ASF1A: variants seen among roughly 807,000 people sequenced by gnomAD.
ASF1A encodes histone chaperone ASF1A.
A neutral mutation model predicts 22.0 loss-of-function variants in ASF1A; 5 were observed. The ratio of observed to expected loss-of-function variants is 0.23; its 90% CI spans 0.12 to 0.48. The LOEUF (loss-of-function observed/expected upper bound fraction) is 0.48, where lower values mean the gene tolerates loss of function less well. Ranked by LOEUF, ASF1A falls within the 20% of genes least tolerant of loss-of-function variation. ASF1A has a pLI of 0.99. For synonymous variants in ASF1A, 97 were observed against 86.7 expected (o/e 1.12, Z -0.66); for missense variants, 137 against 240.6 (o/e 0.57, Z 2.85).
chr6:118,897,780 TCCTC>T (rs1455409787), intron 1 of ASF1A, among the ~76,000 whole-genome samples: 2 of 151,820 alleles, frequency 1.3e-5, no homozygotes, highest in Non-Finnish European at 2.9e-5. Context: ...ACCTTACCCT[TCCTC>T]CCTCAAATAC....
intron 2 of ASF1A, among the ~76,000 whole-genome samples, chr6:118,903,939 G>A (rs532975727): frequency 2.9e-4 from 44 of 152,280 alleles, no homozygotes; most frequent in Non-Finnish European, 5.4e-4. Context: ...CATATCTCTA[G>A]AACAATGGTG....
At chr6:118,905,852 T>A in intron 3 of ASF1A, 24 bp downstream of exon 3, 2 of 1,525,390 alleles carry the variant, frequency 1.3e-6, no homozygotes, top group Non-Finnish European at 1.8e-6. Flanking sequence ...TATTCCTTTT[T>A]AACTACTTTT....
intron 1 of ASF1A, among the ~76,000 whole-genome samples, chr6:118,900,106 T>C (rs1779704142): frequency 6.6e-6 from 1 of 152,232 alleles, no homozygotes; most frequent in South Asian, 2.1e-4. Context: ...GTATACTCTA[T>C]TGTATCACGT....
In ASF1A at chr6:118,905,751, G is replaced by A; in HGVS notation, c.325G>A (p.Val109Ile). Residue 109 changes from valine (V) to isoleucine (I), a missense_variant, in exon 3 of 4, where the codon GTT (valine) becomes ATT (isoleucine). Transcript: ENST00000229595. ...CTATCGAGGACAAGAATTTATTAGAGTTGGCTATTATGTAAATAATGAATA... is the reference window on the plus strand; with the variant it reads ...CTATCGAGGACAAGAATTTATTAGAATTGGCTATTATGTAAATAATGAATA... ...CTYRGQEFIR[V>I]GYYVNNEYTE... 1 of 1,613,528 alleles carries A rather than the reference G, an allele frequency of 6.2e-7. No homozygotes were observed. The highest frequency in any genetic ancestry group is 8.5e-7 in the Non-Finnish European group (1 of 1,179,542).
At position 118,894,542 on chromosome 6, in the gene ASF1A, G is replaced by A. The variant is rs150975405; in HGVS notation, c.109+20G>A. 0.049 allele frequency: 74,219 copies of A among 1,526,190 alleles called. 2,620 individuals are homozygous for A. The highest frequency in any genetic ancestry group is 0.19 in the East Asian group (7,703 of 40,798). 94.5% of individuals were successfully genotyped at this position (1,526,190 alleles called of 1,614,324 possible). On this transcript the variant is annotated intron_variant, in intron 1 of 3. Coordinates refer to ENST00000229595, the MANE Select transcript of ASF1A (RefSeq NM_014034.3). ...CTGAAGGTGAGTGCGGCGCCCGTGC[G>A]CCCGGGCTGTCAGTTGCGGGCTGCA...
intron 3 of ASF1A, among the ~76,000 whole-genome samples, chr6:118,906,395 C>T (rs1481611929): frequency 3.3e-5 from 5 of 152,060 alleles, no homozygotes; most frequent in African/African-American, 1.2e-4. Context: ...GTAAGACAGG[C>T]CTTTGTTTAT....
At chr6:118,894,908 G>A (rs1337211544) in intron 1 of ASF1A, among the ~76,000 whole-genome samples, 1 of 152,116 alleles carries the variant, frequency 6.6e-6, no homozygotes. Flanking sequence ...GCTGGGAAGG[G>A]AGAGGCTGTG....
At chr6:118,895,882 C>T (rs573589976) in intron 1 of ASF1A, among the ~76,000 whole-genome samples, 7 of 151,964 alleles carry the variant, frequency 4.6e-5, no homozygotes, top group Admixed American at 6.6e-5. Flanking sequence ...ATGTATATAT[C>T]ATATGTAAGG....
intron 1 of ASF1A, 86 bp from the exon 2 acceptor site, chr6:118,900,680 G>C (rs1025126735): frequency 6.4e-6 from 6 of 941,370 alleles, no homozygotes; most frequent in African/African-American, 1.6e-5. Context: ...CCAGTAAGTG[G>C]CTAAGTGGAC....
chr6:118,903,636 T>TAC (rs1257047858), intron 2 of ASF1A, among the ~76,000 whole-genome samples: 3 of 152,242 alleles, frequency 2.0e-5, no homozygotes, highest in African/African-American at 7.2e-5. Context: ...TCACTGAGAA[T>TAC]ACACTCGATG....
At chr6:118,900,683 A>T in intron 1 of ASF1A, 83 bp from the exon 2 acceptor site, 1 of 962,352 alleles carries the variant, frequency 1.0e-6, no homozygotes, top group South Asian at 1.3e-5. Context: ...GTAAGTGGCT[A>T]AGTGGACATT....
chr6:118,902,345 A>G (rs762107143), intron 2 of ASF1A, among the ~76,000 whole-genome samples: 1 of 152,156 alleles, frequency 6.6e-6, no homozygotes, highest in Non-Finnish European at 1.5e-5. Flanking sequence ...AAACAGTATA[A>G]TCAGTCACTC....
intron 3 of ASF1A, among the ~76,000 whole-genome samples, chr6:118,906,944 C>T (rs993721860): frequency 1.4e-4 from 22 of 152,144 alleles, no homozygotes; most frequent in African/African-American, 5.3e-4. Flanking sequence ...ACAAAAGAAA[C>T]AGGACTGTTT....
chr6:118,897,442 T>TTA (rs34389809), intron 1 of ASF1A, among the ~76,000 whole-genome samples: 3,400 of 151,152 alleles, frequency 0.022, 129 homozygotes, highest in African/African-American at 0.078. Flanking sequence ...ATTCTTAAAT[T>TTA]TATATATATA....
chr6:118,904,897 G>C (rs576266374), intron 2 of ASF1A, among the ~76,000 whole-genome samples: 175 of 152,320 alleles, frequency 1.1e-3, no homozygotes, highest in Non-Finnish European at 1.7e-3. Flanking sequence ...GAGTGCAGTA[G>C]TGCGATCTCA....
At chr6:118,903,625 G>A (rs1446692724) in intron 2 of ASF1A, among the ~76,000 whole-genome samples, 4 of 152,176 alleles carry the variant, frequency 2.6e-5, no homozygotes, top group South Asian at 2.1e-4. Flanking sequence ...TAGAAAGGGC[G>A]TCACTGAGAA....
At chr6:118,897,082 T>C (rs1779473037) in intron 1 of ASF1A, among the ~76,000 whole-genome samples, 2 of 152,238 alleles carry the variant, frequency 1.3e-5, no homozygotes, top group African/African-American at 4.8e-5. Context: ...CAAGCAGTCC[T>C]CCCACCCCTG....
rs1334725262 is a variant in ASF1A, at chr6:118,899,264, G to A, written c.110-1502G>A. 2.6e-5 allele frequency among the ~76,000 whole-genome samples: 4 copies of A among 152,116 alleles called. No homozygotes were observed. In the South Asian group the frequency reaches 6.2e-4, roughly 24 times the overall value. On this transcript the variant is annotated intron_variant, in intron 1 of 3. Coordinates refer to ENST00000229595, the MANE Select transcript of ASF1A (RefSeq NM_014034.3). ...GTTACTGCTCTGCTCAAAACCCTTC[G>A]ATGGCTTCCCATGCCACGCAGTGTG...
At chr6:118,904,565 A>G (rs1342395056) in intron 2 of ASF1A, among the ~76,000 whole-genome samples, 5 of 152,074 alleles carry the variant, frequency 3.3e-5, no homozygotes, top group African/African-American at 1.2e-4. Flanking sequence ...CCTGCACCCT[A>G]CCACGGATGG....
Sources: allele counts gnomAD v4.1 joint callset (sites outside exome capture counted in the v4.1 genomes callset), GRCh38; gene constraint gnomAD v4.1.1; transcripts MANE v1.5; gene names NCBI Gene and HGNC (gene_info 2026-07-23, HGNC 2026-07-21).